MAN1C1: variants seen among roughly 807,000 people sequenced by gnomAD.
MAN1C1 encodes the protein mannosidase alpha class 1C member 1.
MAN1C1 carries 49 observed loss-of-function variants against 71.5 expected under a neutral mutation model. The observed-to-expected ratio is 0.69, with a 90% CI of 0.54 to 0.87. The LOEUF is 0.87. Among genes scored for constraint, MAN1C1 ranks in the 40% least tolerant of loss-of-function variants. The probability of loss-of-function intolerance (pLI) is 0.00; values close to 1 mark genes in which losing one functional copy is unlikely to be tolerated. For missense variants in MAN1C1, 743 were observed against 835.0 expected, an observed-to-expected ratio of 0.89 and a Z score of 1.36; for synonymous variants, 352 against 343.7, an observed-to-expected ratio of 1.02 and a Z score of -0.27.
chr1:25,629,730 C>G (rs915702571), intron 1 of MAN1C1, among the ~76,000 whole-genome samples: 1 of 149,626 alleles, frequency 6.7e-6, no homozygotes, highest in Admixed American at 6.7e-5. Context: ...CATTTGCCCA[C>G]TTTTTAATTG....
chr1:25,716,801 T>A (rs956637299), intron 2 of MAN1C1, among the ~76,000 whole-genome samples: 4 of 152,242 alleles, frequency 2.6e-5, no homozygotes, highest in Non-Finnish European at 5.9e-5. Flanking sequence ...AACATTTTTA[T>A]ATCTAAAAGT....
chr1:25,627,343 G>A (rs1457337951), intron 1 of MAN1C1, among the ~76,000 whole-genome samples: 1 of 152,012 alleles, frequency 6.6e-6, no homozygotes, highest in Non-Finnish European at 1.5e-5. Context: ...GTGCGGTGGT[G>A]TGATCTCAGC....
chr1:25,631,121 C>T lies in MAN1C1; in HGVS notation c.540+12784C>T, dbSNP rs768217923. On this transcript the variant is annotated intron_variant, in intron 1 of 11. Transcript: ENST00000374332. The surrounding 1 kb of genome is among the most constrained non-coding windows in gnomAD (Gnocchi z 4.2). The stretch of plus-strand genomic sequence containing the variant: ...CTGGGATTACAGGCATGTACCACCA[C>T]GCCTGGTTAATTTTTTTTGTATTTT... Among the ~76,000 whole-genome samples, 10 of 152,100 alleles carry T rather than the reference C, an allele frequency of 6.6e-5. No homozygotes were observed. The highest frequency in any genetic ancestry group is 2.1e-4 in the South Asian group (1 of 4,818).
At position 25,753,586 on chromosome 1, in the gene MAN1C1, G is replaced by A. The variant is rs375181409; in HGVS notation, c.929+8G>A. The stretch of plus-strand genomic sequence containing the variant: ...CGTGGTGAGCTTCAAAAGGTAGGGC[G>A]CCATCGCGTTCCCCACTGGGGCTTT... On this transcript the variant is annotated splice_region_variant and intron_variant, in intron 5 of 11. Transcript: ENST00000374332. The surrounding 1 kb of genome is among the most constrained non-coding windows in gnomAD (Gnocchi z 4.9). The A allele has an allele frequency of 1.7e-5, 27 of 1,611,640 alleles. No homozygotes were observed. Among genetic ancestry groups the A allele is most frequent in the African/African-American group, 4.0e-5 (3 of 74,800 alleles).
intron 10 of MAN1C1, 181 bp downstream of exon 10, chr1:25,781,293 A>C: frequency 1.5e-6 from 1 of 648,426 alleles, no homozygotes; most frequent in South Asian, 2.0e-5. Flanking sequence ...CCAGCTGGGC[A>C]AAGTTGTCCT....
At chr1:25,677,443 C>T (rs1380005794) in intron 1 of MAN1C1, among the ~76,000 whole-genome samples, 1 of 152,166 alleles carries the variant, frequency 6.6e-6, no homozygotes, top group African/African-American at 2.4e-5. Context: ...TACACACACA[C>T]AATGACTGCC....
Position 25,776,460 on chromosome 1 carries a change from C to T in MAN1C1, c.1258-1645C>T, listed in dbSNP as rs555060707. ...CCCAGCTACTTGGGAGGCTGAGGCA[C>T]GAGAATGGTTTAAACTTGGGAGGCG... On this transcript the variant is annotated intron_variant, in intron 8 of 11. Transcript: ENST00000374332. The surrounding 1 kb of genome is among the most constrained non-coding windows in gnomAD (Gnocchi z 4.3). Among the ~76,000 whole-genome samples, 17 of 152,176 alleles carry T rather than the reference C, an allele frequency of 1.1e-4. No homozygotes were observed. The highest frequency in any genetic ancestry group is 2.4e-4 in the African/African-American group (10 of 41,530).
chr1:25,666,270 G>A (rs1019529082), intron 1 of MAN1C1, among the ~76,000 whole-genome samples: 1 of 152,126 alleles, frequency 6.6e-6, no homozygotes, highest in African/African-American at 2.4e-5. Flanking sequence ...TTGCATTTCG[G>A]TTCTCTGTCT....
chr1:25,632,205 G>A (rs930820253), intron 1 of MAN1C1, among the ~76,000 whole-genome samples: 1 of 152,122 alleles, frequency 6.6e-6, no homozygotes, highest in Non-Finnish European at 1.5e-5. Flanking sequence ...TCTGTTAAGG[G>A]TTTCTGTTTC....
At chr1:25,675,295 C>A (rs1262348198) in intron 1 of MAN1C1, among the ~76,000 whole-genome samples, 1 of 152,090 alleles carries the variant, frequency 6.6e-6, no homozygotes, top group Non-Finnish European at 1.5e-5. Context: ...GCCTTTGTGT[C>A]CTCATAGCTT....
At chr1:25,663,665 A>G (rs979702137) in intron 1 of MAN1C1, among the ~76,000 whole-genome samples, 1 of 152,148 alleles carries the variant, frequency 6.6e-6, no homozygotes, top group Non-Finnish European at 1.5e-5. Context: ...TCGAGGGCAC[A>G]GTGGGACGAA....
chr1:25,719,923 A>G (rs1034112143), intron 2 of MAN1C1, among the ~76,000 whole-genome samples: 1 of 151,936 alleles, frequency 6.6e-6, no homozygotes, highest in Admixed American at 6.6e-5. Flanking sequence ...AGCTGGTATT[A>G]CAGGCACCCA....
intron 2 of MAN1C1, among the ~76,000 whole-genome samples, chr1:25,743,746 G>A (rs2124330648): frequency 6.6e-6 from 1 of 152,346 alleles, no homozygotes; most frequent in South Asian, 2.1e-4. Flanking sequence ...TGATCTAGAG[G>A]AAGAAGGGCG....
chr1:25,672,957 G>A (rs1311837355), intron 1 of MAN1C1, among the ~76,000 whole-genome samples: 3 of 152,074 alleles, frequency 2.0e-5, no homozygotes, highest in Non-Finnish European at 4.4e-5. Context: ...GGGTGGCCCT[G>A]GTAGCTGTTT....
rs941759435 is a variant in MAN1C1 at position 25,725,461 on chromosome 1, C to T, written c.638-21207C>T. Among the ~76,000 whole-genome samples the T allele has an allele frequency of 3.9e-5, 6 of 152,176 alleles. No homozygotes were observed. Among genetic ancestry groups the T allele is most frequent in the African/African-American group, 9.7e-5 (4 of 41,436 alleles). The stretch of plus-strand genomic sequence containing the variant: ...TCTGGGAACTTCACAGAGCAGGTTA[C>T]GTTGAGCTGGGCTTTGAAGAATAAG... On this transcript the variant is annotated intron_variant, in intron 2 of 11. Coordinates refer to ENST00000374332, the MANE Select transcript of MAN1C1 (RefSeq NM_020379.4). The surrounding 1 kb of genome is among the most constrained non-coding windows in gnomAD (Gnocchi z 4.8).
rs186220545 is a variant in MAN1C1, at chr1:25,631,767, G to T, written c.540+13430G>T. Among the ~76,000 whole-genome samples, 7 of 152,226 alleles carry T rather than the reference G, an allele frequency of 4.6e-5. No homozygotes were observed. Among genetic ancestry groups the T allele is most frequent in the African/African-American group, 1.7e-4 (7 of 41,550 alleles). ...GAAAGTGATACTGGCTTCGTAGAAT[G>T]ATTTAGGGAGGATTTCCTCTTTCTT... On this transcript the variant is annotated intron_variant, in intron 1 of 11. Transcript: ENST00000374332. The surrounding 1 kb of genome is among the most constrained non-coding windows in gnomAD (Gnocchi z 4.2).
rs138116505 is a variant in MAN1C1 at position 25,697,617 on chromosome 1, A to G, written c.637+11081A>G. Among the ~76,000 whole-genome samples, 708 of 152,296 alleles carry G rather than the reference A, an allele frequency of 4.6e-3. 8 individuals are homozygous for G. Among genetic ancestry groups the G allele is most frequent in the African/African-American group, 0.016 (678 of 41,542 alleles). On this transcript the variant is annotated intron_variant, in intron 2 of 11. Transcript: ENST00000374332. The stretch of plus-strand genomic sequence containing the variant: ...TGGTAGCTCTACATGTAACTTTTTG[A>G]GGAACTGCCAGACTGTTCTATAGCG...
In MAN1C1 at chr1:25,726,597, G is replaced by A. The variant is rs76119506; in HGVS notation, c.638-20071G>A. Among the ~76,000 whole-genome samples the A allele has an allele frequency of 5.1e-3, 776 of 152,266 alleles. 12 individuals are homozygous for A. The highest frequency in any genetic ancestry group is 0.017 in the African/African-American group (718 of 41,536). ...CCCCATCTCACCTGTGAGGCCGCTG[G>A]TGTGGGGAGAGAGCACAAGTACAGT... On this transcript the variant is annotated intron_variant, in intron 2 of 11. Transcript: ENST00000374332.
intron 2 of MAN1C1, among the ~76,000 whole-genome samples, chr1:25,712,600 T>G (rs563819555): frequency 7.9e-5 from 12 of 152,282 alleles, no homozygotes; most frequent in Admixed American, 2.6e-4. Flanking sequence ...CTGTCTTGAG[T>G]CCCTTCTCCT....
Sources: allele counts gnomAD v4.1 joint callset (sites outside exome capture counted in the v4.1 genomes callset), GRCh38; gene constraint gnomAD v4.1.1; non-coding constraint Gnocchi (gnomAD v3.1); transcripts MANE v1.5; gene names NCBI Gene and HGNC (gene_info 2026-07-23, HGNC 2026-07-21).